Variants in NSUN3 observed in about 807,000 individuals in gnomAD.
NSUN3 encodes the protein tRNA (cytosine(34)-C(5))-methyltransferase, mitochondrial.
A neutral mutation model predicts 36.8 loss-of-function variants in NSUN3; 24 were observed. That is an observed-to-expected ratio of 0.65 (90% CI 0.47 to 0.92). NSUN3 has a LOEUF of 0.92. Among genes scored for constraint, NSUN3 ranks in the 40% least tolerant of loss-of-function variants. NSUN3 has a pLI of 0.00. For synonymous variants in NSUN3, 146 were observed against 145.2 expected, an observed-to-expected ratio of 1.01 and a Z score of -0.04; for missense variants, 381 against 392.8, an observed-to-expected ratio of 0.97 and a Z score of 0.25.
chr3:94,094,989 G>T (rs1444579289), intron 4 of NSUN3, 44 bp from the exon 5 acceptor site: 1 of 1,603,288 alleles, frequency 6.2e-7, no homozygotes, highest in Non-Finnish European at 8.5e-7. Flanking sequence ...CCTGAGAATA[G>T]ATTGTCAGTG....
Position 94,126,372 on chromosome 3 carries a change from T to G in NSUN3, c.905T>G (p.Phe302Cys). 1 of 1,614,136 alleles carries G rather than the reference T, an allele frequency of 6.2e-7. No homozygotes were observed. The highest frequency in any genetic ancestry group is 8.5e-7 in the Non-Finnish European group (1 of 1,180,030). The part of the protein sequence containing the change: ...KGIARTCSHD[F>C]TFAPTGQECG... ...ATAGCAAGGACTTGCTCCCACGACT[T>G]CACATTTGCTCCCACTGGCCAGGAA... The change falls in exon 6 of 6, where the codon TTC becomes TGC. Residue 302 changes from phenylalanine (F) to cysteine (C), a missense_variant. Coordinates refer to ENST00000314622, the MANE Select transcript of NSUN3 (RefSeq NM_022072.5).
chr3:94,097,810 C>T (rs1368830423), intron 5 of NSUN3, among the ~76,000 whole-genome samples: 1 of 152,258 alleles, frequency 6.6e-6, no homozygotes, highest in East Asian at 1.9e-4. Context: ...CGCTCCTCAT[C>T]AGCTCATCCC....
At chr3:94,111,559 GT>G (rs1251392612) in intron 5 of NSUN3, among the ~76,000 whole-genome samples, 1 of 151,854 alleles carries the variant, frequency 6.6e-6, no homozygotes, top group Non-Finnish European at 1.5e-5. Context: ...TATTCTATAA[GT>G]TTTTTTCTAT....
In NSUN3 at chr3:94,084,438, T is replaced by C; in HGVS notation, c.454T>C (p.Cys152Arg). Residue 152 changes from cysteine (C) to arginine (R), a missense_variant, in exon 3 of 6, where the codon TGT becomes CGT. Physicochemically the swap from Cys to Arg is radical, Grantham distance 180. Coordinates refer to ENST00000314622, the MANE Select transcript of NSUN3 (RefSeq NM_022072.5). ...PGGKSIALLQ[C>R]ACPGYLHCNE... The stretch of plus-strand genomic sequence containing the variant: ...AGGGAAATCAATAGCTCTGCTGCAG[T>C]GTGCTTGTCCAGGTAGTGTGCTTTC... 6.2e-7 allele frequency: 1 copy of C among 1,612,552 alleles called. No homozygotes were observed. Among genetic ancestry groups the C allele is most frequent in the Non-Finnish European group, 8.5e-7 (1 of 1,179,094 alleles).
rs1293925419 is a variant in NSUN3, at chr3:94,128,921, G to T, written c.*2431G>T. ...CTTCATCACTAATCATCAGAGAAATGCAAATCAAAACCACACTGAGATAAT... is the reference window on the plus strand; with the variant it reads ...CTTCATCACTAATCATCAGAGAAATTCAAATCAAAACCACACTGAGATAAT... On this transcript the variant is annotated 3_prime_UTR_variant, in exon 6 of 6. Coordinates refer to ENST00000314622, the MANE Select transcript of NSUN3 (RefSeq NM_022072.5). Among the ~76,000 whole-genome samples the T allele has an allele frequency of 1.3e-5, 2 of 152,050 alleles. No homozygotes were observed. Among genetic ancestry groups the T allele is most frequent in the Non-Finnish European group, 2.9e-5 (2 of 68,014 alleles).
In NSUN3 at chr3:94,126,646, T is replaced by C. The variant is rs2077487584; in HGVS notation, c.*156T>C. On this transcript the variant is annotated 3_prime_UTR_variant, in exon 6 of 6. Transcript: ENST00000314622. ...CATCTTAGAATCTAGGCTTGAGAAT[T>C]GTTCAGGTGTATTTTTTTCCTAGAA... 1.6e-6 allele frequency: 1 copy of C among 638,560 alleles called. No individual in the cohort carries two copies. The highest frequency in any genetic ancestry group is 1.8e-5 in the African/African-American group (1 of 54,728). The allele number at this position is 638,560 out of a possible 1,614,324, so 39.6% of individuals were successfully genotyped here.
chr3:94,073,810 C>T (rs966635737), intron 2 of NSUN3, among the ~76,000 whole-genome samples: 3 of 152,154 alleles, frequency 2.0e-5, no homozygotes, highest in Non-Finnish European at 2.9e-5. Flanking sequence ...TTAATTAGAT[C>T]CCATTTGTCA....
intron 5 of NSUN3, among the ~76,000 whole-genome samples, chr3:94,100,910 T>C (rs1177998864): frequency 6.6e-6 from 1 of 152,170 alleles, no homozygotes; most frequent in African/African-American, 2.4e-5. Context: ...TATAACTCGA[T>C]ACTAATCTGG....
intron 3 of NSUN3, among the ~76,000 whole-genome samples, chr3:94,089,589 A>G (rs2077306320): frequency 6.6e-6 from 1 of 152,198 alleles, no homozygotes; most frequent in Non-Finnish European, 1.5e-5. Flanking sequence ...TTCTAAACAC[A>G]CTGTGCGTGC....
chr3:94,102,056 T>G (rs1377491302), intron 5 of NSUN3, among the ~76,000 whole-genome samples: 1 of 152,080 alleles, frequency 6.6e-6, no homozygotes, highest in South Asian at 2.1e-4. Flanking sequence ...TCTCACTACT[T>G]GACAAGTAAA....
At chr3:94,081,924 T>G (rs1336781788) in intron 2 of NSUN3, 23 of 152,176 alleles carry the variant, frequency 1.5e-4, no homozygotes, top group Non-Finnish European at 1.2e-4. Flanking sequence ...GAACTTTTAT[T>G]CCAAAGTTCA....
chr3:94,102,949 T>G (rs1234882983), intron 5 of NSUN3, among the ~76,000 whole-genome samples: 1 of 152,080 alleles, frequency 6.6e-6, no homozygotes, highest in African/African-American at 2.4e-5. Flanking sequence ...TGCAGTGGCA[T>G]GATCTCAGCT....
intron 2 of NSUN3, among the ~76,000 whole-genome samples, chr3:94,080,755 CACCAA>C (rs1392146544): frequency 1.3e-5 from 2 of 152,196 alleles, no homozygotes; most frequent in Non-Finnish European, 2.9e-5. Flanking sequence ...CCCCTCCCTC[CACCAA>C]GCTCCAGCAT....
chr3:94,112,097 G>A (rs1050444404), intron 5 of NSUN3, among the ~76,000 whole-genome samples: 3 of 152,106 alleles, frequency 2.0e-5, no homozygotes, highest in African/African-American at 7.2e-5. Flanking sequence ...CTTGTTCCAG[G>A]GAGGTCAGTC....
At chr3:94,069,321 A>C (rs1378898100) in intron 2 of NSUN3, among the ~76,000 whole-genome samples, 3 of 152,230 alleles carry the variant, frequency 2.0e-5, no homozygotes, top group Non-Finnish European at 2.9e-5. Context: ...AGCATCTCTG[A>C]GGAGTAAAAA....
At chr3:94,088,670 C>CTTTTT (rs747748539) in intron 3 of NSUN3, among the ~76,000 whole-genome samples, 11 of 132,458 alleles carry the variant, frequency 8.3e-5, no homozygotes, top group Non-Finnish European at 3.3e-5. Flanking sequence ...GGGACAGATC[C>CTTTTT]TTTTTTTTTT....
chr3:94,124,541 C>T lies in NSUN3; in HGVS notation c.744-1670C>T, dbSNP rs144470777. 4.7e-4 allele frequency among the ~76,000 whole-genome samples: 72 copies of T among 152,074 alleles called. 1 individual carries two copies. The East Asian group carries it at 0.013, about 28-fold the overall frequency. On this transcript the variant is annotated intron_variant, in intron 5 of 5. Coordinates refer to ENST00000314622, the MANE Select transcript of NSUN3 (RefSeq NM_022072.5). ...CTGGTAGATAGCTGTCTTCTCCCTG[C>T]GTCTTCTTTATATGGTCCTCCCCTG...
chr3:94,123,655 G>A (rs867719942), intron 5 of NSUN3, among the ~76,000 whole-genome samples: 10 of 151,966 alleles, frequency 6.6e-5, no homozygotes, highest in African/African-American at 1.9e-4. Flanking sequence ...CTGTCACCTC[G>A]TCTCAGATTA....
chr3:94,107,974 CTTTTTTTTT>C (rs11437686), intron 5 of NSUN3, among the ~76,000 whole-genome samples: 4 of 114,462 alleles, frequency 3.5e-5, no homozygotes, highest in Non-Finnish European at 5.0e-5. Context: ...TTTTTTTTTC[CTTTTTTTTT>C]TTTTTTTTCA....
Sources: allele counts gnomAD v4.1 joint callset (sites outside exome capture counted in the v4.1 genomes callset), GRCh38; gene constraint gnomAD v4.1.1; transcripts MANE v1.5; gene names NCBI Gene and HGNC (gene_info 2026-07-23, HGNC 2026-07-21).